Variants in DIP2C observed in about 807,000 individuals in gnomAD.
The protein encoded by DIP2C is disco-interacting protein 2 homolog C.
Under a neutral mutation model 192.4 loss-of-function variants are expected in DIP2C, and 33 were observed. That is an observed-to-expected ratio of 0.17 (90% CI 0.13 to 0.23). The LOEUF is 0.23. DIP2C is among the 10% of genes least tolerant of loss of function. The pLI is 1.00. For missense variants in DIP2C, 1,537 were observed against 2,110.1 expected (o/e 0.73, Z 5.32); for synonymous variants, 979 against 864.1 (o/e 1.13, Z -2.33).
In DIP2C at chr10:327,190, CAG is replaced by C. The variant is rs1564561094; in HGVS notation, c.3754-16_3754-15del. Reference sequence around the variant, plus strand: ...CAGCCCTCGCGCCTGGAGATGATGACAGAGAAACCGAGTCAGCCCCCACGTGT... The same window carrying C: ...CAGCCCTCGCGCCTGGAGATGATGACAGAAACCGAGTCAGCCCCCACGTGT... On this transcript the variant is annotated splice_polypyrimidine_tract_variant and intron_variant, in intron 30 of 36. Coordinates refer to ENST00000280886, the MANE Select transcript of DIP2C (RefSeq NM_014974.3). 2.5e-6 allele frequency: 4 copies of C among 1,610,594 alleles called. No individual in the cohort carries two copies. In the South Asian group the frequency reaches 4.4e-5, roughly 18 times the overall value.
chr10:398,583 C>T (rs138367145), intron 10 of DIP2C, among the ~76,000 whole-genome samples: 2,945 of 152,324 alleles, frequency 0.019, 58 homozygotes, highest in South Asian at 0.045. Flanking sequence ...ACGTCCTCAA[C>T]CTTGGCAAAA....
chr10:642,755 C>T (rs1855258726), intron 1 of DIP2C, among the ~76,000 whole-genome samples: 1 of 152,258 alleles, frequency 6.6e-6, no homozygotes, highest in African/African-American at 2.4e-5. Flanking sequence ...GACACAACCA[C>T]CCTTTCAGCC....
At chr10:331,879 C>T (rs1435230169) in intron 29 of DIP2C, among the ~76,000 whole-genome samples, 1 of 151,308 alleles carries the variant, frequency 6.6e-6, no homozygotes, top group East Asian at 1.9e-4. Context: ...AAAAATTTTA[C>T]TGTGGTAAAA....
In DIP2C at chr10:545,265, C is replaced by G. The variant is rs895026353; in HGVS notation, c.86-58735G>C. On this transcript the variant is annotated intron_variant, in intron 1 of 36. Coordinates refer to ENST00000280886, the MANE Select transcript of DIP2C (RefSeq NM_014974.3). ...CACTGCAACCTCCGCCTCCCAGGTT[C>G]AAGCAATTCTCCTGCCTCAGCCTCC... Among the ~76,000 whole-genome samples the G allele has an allele frequency of 6.2e-5, 9 of 144,120 alleles. No individual in the cohort carries two copies. In the East Asian group the frequency reaches 1.9e-3, roughly 30 times the overall value. The allele number at this position is 144,120 out of a possible 152,430, so 94.5% of individuals were successfully genotyped here. A position where few individuals can be genotyped will look rare whatever the true frequency, so the allele number is the denominator to read the frequency against.
intron 1 of DIP2C, among the ~76,000 whole-genome samples, chr10:528,398 G>C (rs1198700157): frequency 1.3e-5 from 2 of 150,464 alleles, no homozygotes; most frequent in East Asian, 3.9e-4. Flanking sequence ...CCAGAACGCA[G>C]ACCGCCCACT....
intron 9 of DIP2C, among the ~76,000 whole-genome samples, chr10:408,382 T>C (rs1964958675): frequency 6.6e-6 from 1 of 152,226 alleles, no homozygotes; most frequent in Non-Finnish European, 1.5e-5. Context: ...ATATGACACC[T>C]ACAATTTACT....
intron 1 of DIP2C, among the ~76,000 whole-genome samples, chr10:613,363 G>A (rs1054222704): frequency 6.6e-4 from 100 of 152,260 alleles, no homozygotes; most frequent in African/African-American, 2.2e-3. Flanking sequence ...TAATGTGCAC[G>A]CCTGCATCTG....
intron 1 of DIP2C, among the ~76,000 whole-genome samples, chr10:552,022 T>C (rs973797562): frequency 1.3e-4 from 20 of 152,218 alleles, no homozygotes; most frequent in African/African-American, 1.9e-4. Flanking sequence ...AAGTCTCTTC[T>C]GAGAGTGGTG....
At chr10:501,627 A>G (rs816599) in intron 1 of DIP2C, among the ~76,000 whole-genome samples, 125,631 of 151,796 alleles carry the variant, frequency 0.83, 54,275 homozygotes, top group Non-Finnish European at 0.94. Flanking sequence ...ATCGAAGAAT[A>G]TGATCGTATT....
Position 603,415 on chromosome 10 carries a change from C to T in DIP2C, c.85+86079G>A, listed in dbSNP as rs1361155581. ...ACCCTTATTCAAAGGTCGCCTAACA[C>T]TGACTCAGGACCTCTGTCTCTGATG... On this transcript the variant is annotated intron_variant, in intron 1 of 36. Coordinates refer to ENST00000280886, the MANE Select transcript of DIP2C (RefSeq NM_014974.3). 2.0e-5 allele frequency among the ~76,000 whole-genome samples: 3 copies of T among 149,492 alleles called. No individual in the cohort carries two copies. The East Asian group carries it at 6.0e-4, about 30-fold the overall frequency.
chr10:685,624 A>C lies in DIP2C; in HGVS notation c.85+3870T>G, dbSNP rs562699118. 5.9e-5 allele frequency among the ~76,000 whole-genome samples: 9 copies of C among 152,318 alleles called. No homozygotes were observed. The South Asian group carries it at 1.9e-3, about 32-fold the overall frequency. On this transcript the variant is annotated intron_variant, in intron 1 of 36. Transcript: ENST00000280886. Reference sequence around the variant, plus strand: ...ACAGAGAAACTTACTTCCTAATTTGAATCAACAGCTAAATGCAATCTTTTT... The same window carrying C: ...ACAGAGAAACTTACTTCCTAATTTGCATCAACAGCTAAATGCAATCTTTTT...
At chr10:356,964 G>A (rs1959111021) in intron 23 of DIP2C, among the ~76,000 whole-genome samples, 1 of 152,180 alleles carries the variant, frequency 6.6e-6, no homozygotes. Flanking sequence ...AATAAATTTA[G>A]GTTTCTAGAA....
At chr10:603,147 TTC>T (rs1337717815) in intron 1 of DIP2C, among the ~76,000 whole-genome samples, 4 of 151,950 alleles carry the variant, frequency 2.6e-5, no homozygotes, top group Non-Finnish European at 4.4e-5. Flanking sequence ...CTGCAGAGTT[TTC>T]ATATACTAAG....
intron 9 of DIP2C, among the ~76,000 whole-genome samples, chr10:400,630 A>T (rs1194877644): frequency 6.8e-6 from 1 of 146,784 alleles, no homozygotes; most frequent in Non-Finnish European, 1.5e-5. Flanking sequence ...GAATCCTGTG[A>T]TTTTACATGT....
chr10:375,104 T>C (rs1044227405), intron 17 of DIP2C, among the ~76,000 whole-genome samples: 1 of 152,322 alleles, frequency 6.6e-6, no homozygotes, highest in African/African-American at 2.4e-5. Context: ...GGAAACAAAA[T>C]AAAACTAAAG....
At chr10:472,244 T>G (rs1211811095) in intron 3 of DIP2C, among the ~76,000 whole-genome samples, 195 bp downstream of exon 3, 3 of 152,236 alleles carry the variant, frequency 2.0e-5, no homozygotes, top group Non-Finnish European at 4.4e-5. Flanking sequence ...AACATGGGCT[T>G]GTAAACCACG....
At chr10:639,836 C>T (rs1456399876) in intron 1 of DIP2C, among the ~76,000 whole-genome samples, 2 of 152,194 alleles carry the variant, frequency 1.3e-5, no homozygotes, top group African/African-American at 2.4e-5. Flanking sequence ...TTTTGGACCA[C>T]GAAAAGAAGG....
chr10:519,110 T>A (rs1846537434), intron 1 of DIP2C, among the ~76,000 whole-genome samples: 1 of 152,128 alleles, frequency 6.6e-6, no homozygotes, highest in African/African-American at 2.4e-5. Context: ...GATCCAGCCA[T>A]TAGGGGTGAG....
rs115648089 is a variant in DIP2C at position 486,779 on chromosome 10, C to T, written c.86-249G>A. Among the ~76,000 whole-genome samples the T allele has an allele frequency of 2.3e-3, 354 of 152,304 alleles. 2 individuals are homozygous for T. Among genetic ancestry groups the T allele is most frequent in the African/African-American group, 7.9e-3 (329 of 41,560 alleles). ...GTTTCTGGCCCCTTCTGTATTTATC[C>T]GGATGGGGTCCAGGGTTAGACCCCT... is the stretch of plus-strand genomic sequence containing the variant. On this transcript the variant is annotated intron_variant, in intron 1 of 36. Transcript: ENST00000280886.
Sources: allele counts gnomAD v4.1 joint callset (sites outside exome capture counted in the v4.1 genomes callset), GRCh38; gene constraint gnomAD v4.1.1; transcripts MANE v1.5; gene names NCBI Gene and HGNC (gene_info 2026-07-23, HGNC 2026-07-21).